The following ZNF714 variants were observed in gnomAD, a reference collection of about 807,000 sequenced individuals.
ZNF714 encodes the protein zinc finger protein 714.
Under a neutral mutation model 46.2 loss-of-function variants are expected in ZNF714, and 32 were observed. The observed-to-expected ratio is 0.69, with a 90% CI of 0.52 to 0.93. The LOEUF is 0.93. ZNF714 is among the 40% of genes least tolerant of loss of function. The pLI is 0.00. For missense variants in ZNF714, 635 were observed against 646.3 expected (o/e 0.98, Z 0.19); for synonymous variants, 199 against 213.1 (o/e 0.93, Z 0.58).
intron 2 of ZNF714, among the ~76,000 whole-genome samples, chr19:21,088,314 A>G (rs1385695618): frequency 6.6e-6 from 1 of 152,130 alleles, no homozygotes; most frequent in Non-Finnish European, 1.5e-5. Flanking sequence ...TTATTTTAGG[A>G]TAATAATTTA....
At chr19:21,094,725 C>G (rs1212702609) in intron 2 of ZNF714, among the ~76,000 whole-genome samples, 2 of 152,130 alleles carry the variant, frequency 1.3e-5, no homozygotes, top group Non-Finnish European at 2.9e-5. Flanking sequence ...TAGGATTTCT[C>G]CATATTGGCC....
Position 21,118,379 on chromosome 19 carries a change from G to C in ZNF714, c.*47G>C. 1 of 597,166 alleles carries C rather than the reference G, an allele frequency of 1.7e-6. No individual in the cohort carries two copies. Among genetic ancestry groups the C allele is most frequent in the Non-Finnish European group, 2.8e-6 (1 of 355,768 alleles). The allele number at this position is 597,166 out of a possible 1,614,324, so 37.0% of individuals were successfully genotyped here. A position where few individuals can be genotyped will look rare whatever the true frequency, so the allele number is the denominator to read the frequency against. On this transcript the variant is annotated 3_prime_UTR_variant, in exon 5 of 5. Transcript: ENST00000456283. ...AGGCAGGAGAATCATTTGAACCTGG[G>C]AGGCAGAGGTTGCAGTGAGCCAAGA...
At chr19:21,088,281 A>G (rs73020661) in intron 2 of ZNF714, among the ~76,000 whole-genome samples, 11,851 of 152,276 alleles carry the variant, frequency 0.078, 516 homozygotes, top group Non-Finnish European at 0.087. Flanking sequence ...CTAAACATCC[A>G]TCTTTTTAAA....
At chr19:21,085,654 C>T (rs775942122) in intron 2 of ZNF714, among the ~76,000 whole-genome samples, 1 of 150,622 alleles carries the variant, frequency 6.6e-6, no homozygotes, top group Non-Finnish European at 1.5e-5. Context: ...ATTAAAGGAC[C>T]AGCTAGTTTA....
chr19:21,098,932 A>G, intron 4 of ZNF714, 22 bp downstream of exon 4: 1 of 1,334,978 alleles, frequency 7.5e-7, no homozygotes, highest in Non-Finnish European at 1.1e-6. Context: ...TGAACACAAC[A>G]GATGACACAG....
chr19:21,082,548 C>CT (rs892402093), intron 1 of ZNF714, among the ~76,000 whole-genome samples, 200 bp downstream of exon 1: 7 of 152,104 alleles, frequency 4.6e-5, no homozygotes, highest in Admixed American at 1.3e-4. Flanking sequence ...GGCGTCCTGT[C>CT]TTTTCCCTGC....
chr19:21,115,932 A>T (rs1969586965), intron 4 of ZNF714, among the ~76,000 whole-genome samples: 1 of 151,322 alleles, frequency 6.6e-6, no homozygotes, highest in African/African-American at 2.4e-5. Flanking sequence ...CTCATTGAGT[A>T]TTCAATTTAT....
At chr19:21,105,847 C>T (rs749124055) in intron 4 of ZNF714, among the ~76,000 whole-genome samples, 6 of 151,668 alleles carry the variant, frequency 4.0e-5, no homozygotes, top group Non-Finnish European at 5.9e-5. Context: ...CCCAGCTACT[C>T]GGGAGGCTGA....
Position 21,117,145 on chromosome 19 carries a change from C to T in ZNF714, c.481C>T (p.His161Tyr), listed in dbSNP as rs768818257. Residue 161 changes from histidine to tyrosine, a missense_variant, in exon 5 of 5, where the codon CAT (histidine) becomes TAT (tyrosine). Transcript: ENST00000456283. ...ATCATTTTGCATGCTTTTACACCTA[C>T]ATCAACATAAAAGAATTCATATTAG... ...DESFCMLLHLHQHKRIHIREN... is the reference protein window; with the variant it reads ...DESFCMLLHLYQHKRIHIREN... The T allele has an allele frequency of 1.9e-6, 3 of 1,613,820 alleles. No individual in the cohort carries two copies. The highest frequency in any genetic ancestry group is 2.7e-5 in the African/African-American group (2 of 75,016).
chr19:21,083,897 G>A, intron 1 of ZNF714, 81 bp from the exon 2 acceptor site: 2 of 701,232 alleles, frequency 2.9e-6, no homozygotes, highest in Admixed American at 8.9e-5. Context: ...TACTGTCTGG[G>A]GATCAACCAA....
In ZNF714 at chr19:21,111,261, T is replaced by G. The variant is rs1308263027; in HGVS notation, c.143-5546T>G. Among the ~76,000 whole-genome samples, 3 of 152,222 alleles carry G rather than the reference T, an allele frequency of 2.0e-5. No individual in the cohort carries two copies. The East Asian group carries it at 5.8e-4, about 29-fold the overall frequency. ...GATTTTCTTGTGCAGCGGTTTGTAG[T>G]TCTCCTTGAAGAGGTCTATCACTTC... On this transcript the variant is annotated intron_variant, in intron 4 of 4. Coordinates refer to ENST00000456283, the MANE Select transcript of ZNF714 (RefSeq NM_182515.4).
chr19:21,112,763 C>T (rs900147300), intron 4 of ZNF714, among the ~76,000 whole-genome samples: 1 of 139,394 alleles, frequency 7.2e-6, no homozygotes, highest in Admixed American at 7.3e-5. Flanking sequence ...GCCAGAGATT[C>T]TGGTACATTG....
intron 2 of ZNF714, chr19:21,091,350 G>A (rs1034181653): frequency 6.6e-6 from 1 of 152,184 alleles, no homozygotes; most frequent in African/African-American, 2.4e-5. Flanking sequence ...TGCAAACTGT[G>A]TTATCAGCCA....
intron 4 of ZNF714, among the ~76,000 whole-genome samples, chr19:21,112,613 G>C (rs948155938): frequency 3.2e-4 from 48 of 148,556 alleles, no homozygotes; most frequent in African/African-American, 1.1e-3. Flanking sequence ...CTTGTCTTCT[G>C]CTAGCTTTAA....
intron 4 of ZNF714, among the ~76,000 whole-genome samples, chr19:21,110,662 A>G (rs1969430560): frequency 6.6e-6 from 1 of 152,182 alleles, no homozygotes; most frequent in South Asian, 2.1e-4. Context: ...ATCTTTGCCC[A>G]TGCCTATGTC....
chr19:21,118,407 G>C lies in ZNF714; in HGVS notation c.*75G>C. 1.9e-6 allele frequency: 1 copy of C among 525,658 alleles called. No homozygotes were observed. The highest frequency in any genetic ancestry group is 3.4e-6 in the Non-Finnish European group (1 of 296,520). 32.6% of individuals were successfully genotyped at this position (525,658 alleles called of 1,614,324 possible). On this transcript the variant is annotated 3_prime_UTR_variant, in exon 5 of 5. Coordinates refer to ENST00000456283, the MANE Select transcript of ZNF714 (RefSeq NM_182515.4). ...GCAGAGGTTGCAGTGAGCCAAGATC[G>C]CGCCATTCTACTCCAGCCTGGGCCA...
At position 21,082,243 on chromosome 19, in the gene ZNF714, G is replaced by A. The variant is rs1186774066; in HGVS notation, c.-282G>A. 1.6e-6 allele frequency: 2 copies of A among 1,252,612 alleles called. No homozygotes were observed. The highest frequency in any genetic ancestry group is 3.9e-5 in the East Asian group (1 of 25,938). 77.6% of individuals were successfully genotyped at this position (1,252,612 alleles called of 1,614,324 possible). A position where few individuals can be genotyped will look rare whatever the true frequency, so the allele number is the denominator to read the frequency against. ...TGGAGCTGCAGGTCTCGCCTTCACT[G>A]CCCTGTGTCCTCTGCTCGCAGAGGC... On this transcript the variant is annotated 5_prime_UTR_variant, in exon 1 of 5. Transcript: ENST00000456283.
intron 4 of ZNF714, among the ~76,000 whole-genome samples, chr19:21,107,531 AC>A (rs1231221067): frequency 7.2e-6 from 1 of 139,500 alleles, no homozygotes; most frequent in Non-Finnish European, 1.5e-5. Flanking sequence ...AAGCCACCAC[AC>A]CCAGCCATAG....
chr19:21,088,033 G>T (rs1968822813), intron 2 of ZNF714, among the ~76,000 whole-genome samples: 1 of 152,208 alleles, frequency 6.6e-6, no homozygotes, highest in South Asian at 2.1e-4. Context: ...GTTTATATAA[G>T]GTCTGACTCC....
Sources: allele counts gnomAD v4.1 joint callset (sites outside exome capture counted in the v4.1 genomes callset), GRCh38; gene constraint gnomAD v4.1.1; transcripts MANE v1.5; gene names NCBI Gene and HGNC (gene_info 2026-07-23, HGNC 2026-07-21).